The following NUP37 variants were observed in gnomAD, a reference collection of about 807,000 sequenced individuals.
The protein encoded by NUP37 is nucleoporin 37, also known as nucleoporin Nup37.
A neutral mutation model predicts 45.4 loss-of-function variants in NUP37; 33 were observed. That is an observed-to-expected ratio of 0.73 (90% CI 0.55 to 0.97). The LOEUF (loss-of-function observed/expected upper bound fraction) is 0.97, where lower values mean the gene tolerates loss of function less well. Ranked by LOEUF, NUP37 falls within the 50% of genes least tolerant of loss-of-function variation. The pLI, the probability that NUP37 is intolerant of heterozygous loss-of-function variation, is 0.00. For missense variants in NUP37, 365 were observed against 389.7 expected (o/e 0.94, Z 0.53); for synonymous variants, 127 against 130.7 (o/e 0.97, Z 0.19).
chr12:102,079,025 T>C (rs529466144), intron 6 of NUP37: 2 of 283,434 alleles, frequency 7.1e-6, no homozygotes, highest in South Asian at 7.0e-5. Context: ...AATAAAATGC[T>C]TTTCCACTCT....
chr12:102,096,515 CT>C (rs1879807983), intron 5 of NUP37, among the ~76,000 whole-genome samples: 3 of 152,070 alleles, frequency 2.0e-5, no homozygotes, highest in Admixed American at 2.0e-4. Context: ...AATATAGTGT[CT>C]TTCTTGGAAA....
chr12:102,113,381 G>A (rs1342012565), intron 2 of NUP37, among the ~76,000 whole-genome samples: 4 of 152,100 alleles, frequency 2.6e-5, no homozygotes, highest in Admixed American at 2.6e-4. Flanking sequence ...GATACTTAGG[G>A]GGCTTCAAAA....
In NUP37 at chr12:102,074,998, T is replaced by C; in HGVS notation, c.867+3A>G. On this transcript the variant is annotated splice_donor_region_variant and intron_variant, in intron 9 of 9. Transcript: ENST00000552283. The stretch of plus-strand genomic sequence containing the variant: ...CGTATGTTACAAAACATTTCCACAT[T>C]ACCTGAGGGTGTCCTAAATGATGAA... 6.4e-7 allele frequency: 1 copy of C among 1,572,102 alleles called. No homozygotes were observed. The highest frequency in any genetic ancestry group is 8.6e-7 in the Non-Finnish European group (1 of 1,156,458).
At chr12:102,103,265 C>G (rs1880026552) in intron 3 of NUP37, among the ~76,000 whole-genome samples, 1 of 152,110 alleles carries the variant, frequency 6.6e-6, no homozygotes, top group Non-Finnish European at 1.5e-5. Flanking sequence ...GTGCCAAGTT[C>G]AATGTCTTTC....
At chr12:102,114,902 T>G (rs534467887) in intron 2 of NUP37, among the ~76,000 whole-genome samples, 19 of 152,310 alleles carry the variant, frequency 1.2e-4, no homozygotes, top group Middle Eastern at 3.4e-3. Flanking sequence ...CCATGTAAAT[T>G]CTACTCATTA....
intron 3 of NUP37, among the ~76,000 whole-genome samples, chr12:102,107,261 C>T (rs1880181376): frequency 6.6e-6 from 1 of 152,196 alleles, no homozygotes; most frequent in African/African-American, 2.4e-5. Flanking sequence ...CCCTCCTATG[C>T]TGCATTTGGC....
At chr12:102,108,330 C>A (rs755983902) in intron 3 of NUP37, among the ~76,000 whole-genome samples, 13 of 152,154 alleles carry the variant, frequency 8.5e-5, no homozygotes, top group Non-Finnish European at 1.5e-4. Context: ...TGCCATTGAA[C>A]ATCAGACTCA....
At chr12:102,113,770 G>C (rs1015469039) in intron 2 of NUP37, among the ~76,000 whole-genome samples, 4 of 152,122 alleles carry the variant, frequency 2.6e-5, no homozygotes, top group African/African-American at 9.7e-5. Context: ...TATATTGATA[G>C]GAATTACTTG....
chr12:102,074,700 C>G, intron 9 of NUP37: 1 of 453,930 alleles, frequency 2.2e-6, no homozygotes, highest in East Asian at 3.5e-5. Context: ...GCAGTCTACA[C>G]CAACCAAACA....
chr12:102,087,888 T>G (rs1344180507), intron 5 of NUP37, among the ~76,000 whole-genome samples: 1 of 152,132 alleles, frequency 6.6e-6, no homozygotes, highest in Non-Finnish European at 1.5e-5. Context: ...TAAAAACTGG[T>G]CAGTTAATGA....
intron 8 of NUP37, 55 bp from the exon 9 acceptor site, chr12:102,075,149 C>T: frequency 8.9e-7 from 1 of 1,129,694 alleles, no homozygotes; most frequent in East Asian, 2.5e-5. Context: ...TAATGACAAG[C>T]TTTTCTGAAG....
rs549822999 is a variant in NUP37 at position 102,109,270 on chromosome 12, G to A, written c.281+2838C>T. ...AAGGCAGGGAGAAAGAGAATTTAAG[G>A]CAACTACATGCTAATGATAAGCCAT... On this transcript the variant is annotated intron_variant, in intron 3 of 9. Transcript: ENST00000552283. Among the ~76,000 whole-genome samples the A allele has an allele frequency of 1.1e-4, 17 of 152,202 alleles. No homozygotes were observed. The East Asian group carries it at 3.1e-3, about 28-fold the overall frequency.
chr12:102,118,492 A>G lies in NUP37; in HGVS notation c.27T>C (p.Ala9=), dbSNP rs769917057. 1 of 1,610,610 alleles carries G rather than the reference A, an allele frequency of 6.2e-7. No individual in the cohort carries two copies. Among genetic ancestry groups the G allele is most frequent in the South Asian group, 1.1e-5 (1 of 89,870 alleles). MKQDASRN[A]AYTVDCEDYV... Reference sequence around the variant, plus strand: ...AATCTTCACAATCCACAGTGTAGGCAGCATTTCTTGAGGCATCTTGCTTCA... The same window carrying G: ...AATCTTCACAATCCACAGTGTAGGCGGCATTTCTTGAGGCATCTTGCTTCA... Residue 9 remains alanine, a synonymous_variant, in exon 2 of 10, where the codon GCT becomes GCC. Transcript: ENST00000552283.
At position 102,077,436 on chromosome 12, in the gene NUP37, G is replaced by A; in HGVS notation, c.608C>T (p.Ser203Phe). Residue 203 changes from serine (S) to phenylalanine (F), a missense_variant, in exon 7 of 10, where the codon TCT (serine) becomes TTT (phenylalanine). Transcript: ENST00000552283. The part of the protein sequence containing the change: ...YDLLAQQAIL[S>F]LESEQVPLMS... ...TAATGGCACTTGTTCTGATTCAAGA[G>A]ATAAAATAGCCTGTTGGGCCAAAAG... The A allele has an allele frequency of 1.9e-6, 3 of 1,614,088 alleles. No individual in the cohort carries two copies. The highest frequency in any genetic ancestry group is 2.5e-6 in the Non-Finnish European group (3 of 1,180,008).
At chr12:102,117,403 T>C (rs555322028) in intron 2 of NUP37, among the ~76,000 whole-genome samples, 5 of 151,854 alleles carry the variant, frequency 3.3e-5, no homozygotes, top group South Asian at 2.1e-4. Flanking sequence ...TGAGCCGAGG[T>C]TGACCTCCAG....
intron 5 of NUP37, among the ~76,000 whole-genome samples, chr12:102,092,888 G>C (rs1161574546): frequency 1.3e-5 from 2 of 152,210 alleles, no homozygotes; most frequent in Non-Finnish European, 2.9e-5. Context: ...GATACTTTCA[G>C]TGTGTGTGTC....
rs1879108881 is a variant in NUP37 at position 102,074,352 on chromosome 12, CTT to C, written c.981_*1del. The C allele has an allele frequency of 1.3e-6, 2 of 1,581,714 alleles. No individual in the cohort carries two copies. The highest frequency in any genetic ancestry group is 8.7e-7 in the Non-Finnish European group (1 of 1,154,050). ...TTGTGAATCTAAGGTACAGAAAACACTTTATACTTCAGTCACCCAAAACAACA... is the reference window on the plus strand; with the variant it reads ...TTGTGAATCTAAGGTACAGAAAACACTATACTTCAGTCACCCAAAACAACA... On this transcript the variant is annotated stop_retained_variant and 3_prime_UTR_variant, in exon 10 of 10. Coordinates refer to ENST00000552283, the MANE Select transcript of NUP37 (RefSeq NM_024057.4).
chr12:102,085,622 T>G (rs370776383), intron 6 of NUP37, 144 bp downstream of exon 6: 33 of 448,100 alleles, frequency 7.4e-5, no homozygotes, highest in African/African-American at 5.2e-4. Flanking sequence ...CAGTACAGGT[T>G]TCTAGACTAA....
intron 3 of NUP37, among the ~76,000 whole-genome samples, chr12:102,108,859 G>A (rs747697705): frequency 6.6e-6 from 1 of 152,080 alleles, no homozygotes; most frequent in Non-Finnish European, 1.5e-5. Flanking sequence ...TGTTCAAAAT[G>A]TCATCTCTAA....
Sources: gnomAD v4.1 joint callset for allele counts (sites outside exome capture counted in the v4.1 genomes callset) on GRCh38, gnomAD v4.1.1 for gene constraint, MANE v1.5 for transcripts, NCBI Gene and HGNC (gene_info 2026-07-23, HGNC 2026-07-21) for gene names.